Variants in FHAD1 observed in about 807,000 individuals in gnomAD.
The protein encoded by FHAD1 is forkhead-associated domain-containing protein 1.
In FHAD1, 146 loss-of-function variants were observed where a neutral mutation model predicts 191.3. The ratio of observed to expected loss-of-function variants is 0.76; its 90% CI spans 0.67 to 0.88. The LOEUF is 0.88. Ranked by LOEUF, FHAD1 falls within the 40% of genes least tolerant of loss-of-function variation. The pLI is 0.00. For synonymous variants in FHAD1, 616 were observed against 672.3 expected, an observed-to-expected ratio of 0.92 and a Z score of 1.29; for missense variants, 1,635 against 1,785.8, an observed-to-expected ratio of 0.92 and a Z score of 1.52.
rs936010675 is a variant in FHAD1, at chr1:15,276,527, G to A, written c.300+3998G>A. Among the ~76,000 whole-genome samples the A allele has an allele frequency of 6.6e-6, 1 of 152,158 alleles. No homozygotes were observed. Among genetic ancestry groups the A allele is most frequent in the Non-Finnish European group, 1.5e-5 (1 of 68,010 alleles). The stretch of plus-strand genomic sequence containing the variant: ...CCAAAGTATAGCCTAGGGGCCGGGC[G>A]TGGTGACTCATGCCTGTAATCCCAG... On this transcript the variant is annotated intron_variant, in intron 3 of 33. Transcript: ENST00000688493. This position sits in a 1 kb window ranked among gnomAD's most constrained non-coding sequence, Gnocchi z 4.7.
chr1:15,341,240 G>A (rs546782289), intron 15 of FHAD1, among the ~76,000 whole-genome samples: 5 of 152,244 alleles, frequency 3.3e-5, no homozygotes, highest in South Asian at 2.1e-4. Context: ...CAGTGGGCCC[G>A]ATTTGGCCTG....
chr1:15,336,719 G>A (rs906438204), intron 14 of FHAD1, among the ~76,000 whole-genome samples: 6 of 152,052 alleles, frequency 3.9e-5, no homozygotes, highest in Admixed American at 6.5e-5. Context: ...TTGCACCCTC[G>A]GTCTTCATTG....
At chr1:15,335,685 T>C (rs777550675) in intron 14 of FHAD1, among the ~76,000 whole-genome samples, 8 of 152,292 alleles carry the variant, frequency 5.3e-5, no homozygotes, top group Non-Finnish European at 8.8e-5. Context: ...TCCCACATTA[T>C]GAATTTCTGT....
chr1:15,246,344 G>A (rs1164555106), upstream of FHAD1, among the ~76,000 whole-genome samples: 1 of 152,130 alleles, frequency 6.6e-6, no homozygotes, highest in African/African-American at 2.4e-5. Context: ...GTATCACTAG[G>A]GTAGAATGTG....
chr1:15,362,799 A>G (rs1695232641), intron 23 of FHAD1, 73 bp downstream of exon 23: 14 of 1,173,346 alleles, frequency 1.2e-5, no homozygotes, highest in Non-Finnish European at 1.7e-5. Context: ...ACAGGCAACC[A>G]GCCCCTACCT....
At chr1:15,341,634 C>T (rs572949553) in intron 15 of FHAD1, 102 bp from the exon 16 acceptor site, 5 of 1,046,754 alleles carry the variant, frequency 4.8e-6, no homozygotes, top group Non-Finnish European at 6.8e-6. Flanking sequence ...TTTGGGTAAA[C>T]CTTTGTACCC....
chr1:15,313,186 G>C lies in FHAD1; in HGVS notation c.1169G>C (p.Arg390Thr). The C allele has an allele frequency of 1.3e-6, 2 of 1,551,924 alleles. No individual in the cohort carries two copies. The highest frequency in any genetic ancestry group is 8.7e-7 in the Non-Finnish European group (1 of 1,147,024). The part of the protein sequence containing the change: ...KDHQLEALGS[R>T]CSVLKEELKQ... ...CACCAGCTGGAAGCCCTTGGCTCTA[G>C]AGTGAGTAAGGATGACTGCGTCACC... is the stretch of plus-strand genomic sequence containing the variant. Residue 390 changes from arginine (R) to threonine (T), a missense_variant and splice_region_variant, in exon 8 of 34, where the codon AGA (arginine) becomes ACA (threonine). Coordinates refer to ENST00000688493, the MANE Select transcript of FHAD1 (RefSeq NM_001391957.1).
intron 10 of FHAD1, among the ~76,000 whole-genome samples, chr1:15,321,843 G>A (rs980286901): frequency 1.3e-5 from 2 of 152,226 alleles, no homozygotes; most frequent in African/African-American, 4.8e-5. Context: ...GCATGTGTAT[G>A]TGTCTGAAAA....
Position 15,375,694 on chromosome 1 carries a change from G to A in FHAD1, c.3669G>A (p.Pro1223=), listed in dbSNP as rs1280121145. The A allele has an allele frequency of 1.2e-5, 19 of 1,546,158 alleles. No individual in the cohort carries two copies. Among genetic ancestry groups the A allele is most frequent in the Admixed American group, 8.1e-5 (4 of 49,512 alleles). ...AGAAAATACTACTGGATGCAAAACCGGATTTGCCAACTCTCTCAAGAATAG... is the reference window on the plus strand; with the variant it reads ...AGAAAATACTACTGGATGCAAAACCAGATTTGCCAACTCTCTCAAGAATAG... ...NVQKILLDAK[P]DLPTLSRIEI... The change falls in exon 28 of 34, where the codon CCG becomes CCA. Residue 1223 remains proline, a synonymous_variant. Transcript: ENST00000688493.
chr1:15,284,169 G>A (rs1661543167), intron 3 of FHAD1, among the ~76,000 whole-genome samples: 1 of 152,162 alleles, frequency 6.6e-6, no homozygotes, highest in African/African-American at 2.4e-5. Context: ...TCTCTCCTTG[G>A]TGGTTCAAAG....
At chr1:15,328,560 T>C (rs1679854987) in intron 13 of FHAD1, 131 bp downstream of exon 13, 3 of 762,578 alleles carry the variant, frequency 3.9e-6, no homozygotes, top group Non-Finnish European at 3.7e-6. Flanking sequence ...CTTTTTCCTC[T>C]TGTTGGAGAA....
intron 6 of FHAD1, among the ~76,000 whole-genome samples, chr1:15,302,774 A>G (rs1196117622): frequency 1.3e-5 from 2 of 152,090 alleles, no homozygotes; most frequent in African/African-American, 4.8e-5. Context: ...TTGTTAAAAG[A>G]GTAATGGGCC....
At chr1:15,273,187 C>T (rs1226184360) in intron 3 of FHAD1, among the ~76,000 whole-genome samples, 1 of 151,950 alleles carries the variant, frequency 6.6e-6, no homozygotes, top group East Asian at 1.9e-4. Flanking sequence ...ATCTCTATTT[C>T]TTTTTTTTCA....
At chr1:15,257,471 A>G (rs1262190003) in intron 2 of FHAD1, among the ~76,000 whole-genome samples, 1 of 152,226 alleles carries the variant, frequency 6.6e-6, no homozygotes, top group East Asian at 1.9e-4. Flanking sequence ...CACCAAAAGA[A>G]GCAGGCCTGG....
At chr1:15,258,795 C>T (rs1245874605) in intron 2 of FHAD1, among the ~76,000 whole-genome samples, 1 of 151,968 alleles carries the variant, frequency 6.6e-6, no homozygotes, top group South Asian at 2.1e-4. Flanking sequence ...ACCATGTTGG[C>T]CAGGCTGGTC....
At chr1:15,351,302 GCCACTGTACT>G (rs991152378) in intron 19 of FHAD1, among the ~76,000 whole-genome samples, 3 of 152,108 alleles carry the variant, frequency 2.0e-5, no homozygotes, top group African/African-American at 7.2e-5. Context: ...CTGAGAGCAC[GCCACTGTACT>G]CCAGCTTGGG....
chr1:15,305,283 A>T (rs1481765551), intron 6 of FHAD1, among the ~76,000 whole-genome samples: 2 of 152,094 alleles, frequency 1.3e-5, no homozygotes, highest in African/African-American at 2.4e-5. Flanking sequence ...CTTACAGAAT[A>T]AAAAAATGGG....
At chr1:15,321,808 T>A (rs983694258) in intron 10 of FHAD1, among the ~76,000 whole-genome samples, 6 of 152,264 alleles carry the variant, frequency 3.9e-5, no homozygotes, top group African/African-American at 1.4e-4. Context: ...CATGTGTGCA[T>A]GCATGTGTGT....
At chr1:15,382,703 C>T (rs1701191595) in intron 31 of FHAD1, among the ~76,000 whole-genome samples, 1 of 152,170 alleles carries the variant, frequency 6.6e-6, no homozygotes. Flanking sequence ...GAGCTGACTT[C>T]AGGTGGATTT....
Sources: gnomAD v4.1 joint callset for allele counts (sites outside exome capture counted in the v4.1 genomes callset) on GRCh38, gnomAD v4.1.1 for gene constraint, Gnocchi (gnomAD v3.1) non-coding constraint, MANE v1.5 for transcripts, NCBI Gene and HGNC (gene_info 2026-07-23, HGNC 2026-07-21) for gene names.